The following AGBL1 variants were observed in gnomAD, a reference collection of about 807,000 sequenced individuals.
The protein encoded by AGBL1 is AGBL carboxypeptidase 1.
Under a neutral mutation model 118.9 loss-of-function variants are expected in AGBL1, and 130 were observed. The ratio of observed to expected loss-of-function variants is 1.09; its 90% CI spans 0.95 to 1.26. The LOEUF (loss-of-function observed/expected upper bound fraction) is 1.26. Among genes scored for constraint, AGBL1 ranks in the 50% most tolerant of loss-of-function variants. The pLI, the probability that AGBL1 is intolerant of heterozygous loss-of-function variation, is 0.00. For missense variants in AGBL1, 1,584 were observed against 1,298.1 expected (o/e 1.22, Z -3.38); for synonymous variants, 555 against 478.9 (o/e 1.16, Z -2.08).
At chr15:87,018,675 C>A (rs1206398986) in intron 24 of AGBL1, among the ~76,000 whole-genome samples, 1 of 151,746 alleles carries the variant, frequency 6.6e-6, no homozygotes, top group Non-Finnish European at 1.5e-5. Flanking sequence ...CACTGAAGTA[C>A]ACAGAACAGT....
At chr15:86,457,066 C>G (rs1454611126) in intron 18 of AGBL1, among the ~76,000 whole-genome samples, 1 of 151,978 alleles carries the variant, frequency 6.6e-6, no homozygotes, top group African/African-American at 2.4e-5. Flanking sequence ...TGCAGCCTAG[C>G]TAATATTACC....
intron 22 of AGBL1, among the ~76,000 whole-genome samples, chr15:86,691,242 G>A (rs74712113): frequency 0.011 from 1,733 of 152,214 alleles, 26 homozygotes; most frequent in East Asian, 0.07. Flanking sequence ...AAAACACAAG[G>A]CTAATTATAA....
intron 24 of AGBL1, among the ~76,000 whole-genome samples, chr15:87,028,177 C>G (rs1168428103): frequency 1.3e-5 from 2 of 151,766 alleles, no homozygotes; most frequent in African/African-American, 4.8e-5. Context: ...GCTTATTGAT[C>G]AACCTCATAA....
At chr15:86,195,280 A>G (rs2077784025) in intron 5 of AGBL1, among the ~76,000 whole-genome samples, 1 of 152,090 alleles carries the variant, frequency 6.6e-6, no homozygotes, top group Non-Finnish European at 1.5e-5. Context: ...TACCTTGGTG[A>G]AGGGCATGTT....
chr15:86,873,085 A>C (rs2079753117), intron 22 of AGBL1, among the ~76,000 whole-genome samples: 1 of 152,204 alleles, frequency 6.6e-6, no homozygotes. Flanking sequence ...ACAGGTGGGA[A>C]CTGAAGAAAA....
chr15:86,700,351 A>G (rs992446045), intron 22 of AGBL1, among the ~76,000 whole-genome samples: 2 of 151,896 alleles, frequency 1.3e-5, no homozygotes, highest in East Asian at 1.9e-4. Context: ...CATCTTGTAC[A>G]TTCCCCAATT....
At chr15:86,790,501 C>T (rs1034540727) in intron 22 of AGBL1, among the ~76,000 whole-genome samples, 9 of 152,148 alleles carry the variant, frequency 5.9e-5, no homozygotes, top group African/African-American at 1.7e-4. Flanking sequence ...CACTATAGGA[C>T]CTGCAAGCTA....
Position 86,887,338 on chromosome 15 carries a change from C to T in AGBL1, c.3159-19749C>T, listed in dbSNP as rs374145764. Among the ~76,000 whole-genome samples, 10 of 152,240 alleles carry T rather than the reference C, an allele frequency of 6.6e-5. No individual in the cohort carries two copies. In the South Asian group the frequency reaches 1.9e-3, roughly 28 times the overall value. ...ACTTTTAAACTCTTCCTATTATAGA[C>T]CTCAATTCTAAGGATAAGCATCTCT... On this transcript the variant is annotated intron_variant, in intron 22 of 22. Coordinates refer to ENST00000614907, the MANE Select transcript of AGBL1 (RefSeq NM_001386094.1).
chr15:86,327,069 G>C (rs368621378), intron 17 of AGBL1, among the ~76,000 whole-genome samples: 5 of 152,128 alleles, frequency 3.3e-5, no homozygotes, highest in African/African-American at 1.2e-4. Flanking sequence ...CAGTGATAGA[G>C]CAAAGAGGGA....
chr15:86,895,417 T>C (rs12324820), intron 22 of AGBL1, among the ~76,000 whole-genome samples: 84,181 of 150,262 alleles, frequency 0.56, 24,208 homozygotes, highest in Middle Eastern at 0.66. Context: ...TTTTAATTAT[T>C]TTTGCATTTG....
intron 17 of AGBL1, among the ~76,000 whole-genome samples, chr15:86,343,726 C>A (rs1374228809): frequency 6.6e-6 from 1 of 152,152 alleles, no homozygotes. Flanking sequence ...GAAATTTGTA[C>A]CAACTTTTCC....
At chr15:86,809,238 A>C (rs1370204000) in intron 22 of AGBL1, among the ~76,000 whole-genome samples, 1 of 152,164 alleles carries the variant, frequency 6.6e-6, no homozygotes, top group Non-Finnish European at 1.5e-5. Flanking sequence ...TAATTTCTGT[A>C]GCTCTTCTCG....
At chr15:86,936,248 G>A (rs1371606776) in intron 23 of AGBL1, among the ~76,000 whole-genome samples, 2 of 151,622 alleles carry the variant, frequency 1.3e-5, no homozygotes, top group South Asian at 2.1e-4. Context: ...GTATGTGTGT[G>A]TGTGTGTGTG....
intron 22 of AGBL1, among the ~76,000 whole-genome samples, chr15:86,714,432 T>C (rs1294574113): frequency 6.6e-6 from 1 of 152,156 alleles, no homozygotes; most frequent in Non-Finnish European, 1.5e-5. Flanking sequence ...AAGCAAGGAA[T>C]TGAAGCAGTT....
rs561230036 is a variant in AGBL1 at position 86,956,923 on chromosome 15, C to T, written c.3222-31064C>T. Among the ~76,000 whole-genome samples the T allele has an allele frequency of 3.3e-5, 5 of 152,130 alleles. No individual in the cohort carries two copies. In the East Asian group the frequency reaches 7.7e-4, roughly 24 times the overall value. On this transcript the variant is annotated intron_variant, in intron 23 of 24. Transcript: ENST00000441037. ...ATATAACACTGAACACATCTATGCA[C>T]ATAAGTGTGTATACAGAATGAATTA...
chr15:86,453,320 A>G (rs746220314), intron 18 of AGBL1, among the ~76,000 whole-genome samples: 20 of 152,264 alleles, frequency 1.3e-4, no homozygotes, highest in Non-Finnish European at 2.8e-4. Context: ...CCTTCTCTAC[A>G]GAAACAGACA....
At chr15:86,945,514 C>CA (rs943483165) in intron 23 of AGBL1, among the ~76,000 whole-genome samples, 9 of 149,812 alleles carry the variant, frequency 6.0e-5, no homozygotes, top group East Asian at 4.0e-4. Flanking sequence ...ACAAAAAATA[C>CA]AAAAAAAAAT....
At chr15:86,337,007 C>T (rs2141874133) in intron 17 of AGBL1, among the ~76,000 whole-genome samples, 1 of 152,304 alleles carries the variant, frequency 6.6e-6, no homozygotes, top group South Asian at 2.1e-4. Context: ...AGGAAGCACT[C>T]CTAAGGACTC....
At chr15:86,200,793 T>C (rs75526496) in intron 5 of AGBL1, among the ~76,000 whole-genome samples, 1,557 of 152,012 alleles carry the variant, frequency 0.01, 23 homozygotes, top group African/African-American at 0.036. Flanking sequence ...ATTGTTGTAT[T>C]TCAGTAGAGA....
Sources: gnomAD v4.1 joint callset for allele counts (sites outside exome capture counted in the v4.1 genomes callset) on GRCh38, gnomAD v4.1.1 for gene constraint, MANE v1.5 for transcripts, NCBI Gene and HGNC (gene_info 2026-07-23, HGNC 2026-07-21) for gene names.